Variants in SGCD observed in about 807,000 individuals in gnomAD.
The protein encoded by SGCD is sarcoglycan delta.
SGCD carries 18 observed loss-of-function variants against 36.6 expected under a neutral mutation model. The ratio of observed to expected loss-of-function variants is 0.49; its 90% confidence interval spans 0.34 to 0.73. The LOEUF is 0.73. SGCD is among the 30% of genes least tolerant of loss of function. The pLI is 0.01. For missense variants in SGCD, 387 were observed against 346.7 expected (o/e 1.12, Z -0.92); for synonymous variants, 133 against 130.6 (o/e 1.02, Z -0.12).
At chr5:156,756,629 T>C (rs181604490) in intron 7 of SGCD, among the ~76,000 whole-genome samples, 182 of 152,356 alleles carry the variant, frequency 1.2e-3, no homozygotes, top group African/African-American at 4.1e-3. Context: ...GCAAAAAGCT[T>C]CCTCCTAAGG....
At chr5:156,411,827 T>C (rs898177327) in intron 3 of SGCD, among the ~76,000 whole-genome samples, 1 of 152,238 alleles carries the variant, frequency 6.6e-6, no homozygotes, top group East Asian at 1.9e-4. Flanking sequence ...GGGCCTGTTG[T>C]AAAATCATGT....
Position 156,344,548 on chromosome 5 carries a change from G to A in SGCD, c.63G>A (p.Gln21=). ...CCATGCCTGGCTCTGTGGGGCCACAGGTATACAAGGTGGGGATTTATGGCT... is the reference window on the plus strand; with the variant it reads ...CCATGCCTGGCTCTGTGGGGCCACAAGTATACAAGGTGGGGATTTATGGCT... ...RSTMPGSVGP[Q]VYKVGIYGWR... The change falls in exon 3 of 9, where the codon CAG becomes CAA. Residue 21 remains glutamine, a synonymous_variant. Coordinates refer to ENST00000337851, the MANE Select transcript of SGCD (RefSeq NM_000337.6). 1 of 1,611,892 alleles carries A rather than the reference G, an allele frequency of 6.2e-7. No individual in the cohort carries two copies. Among genetic ancestry groups the A allele is most frequent in the South Asian group, 1.1e-5 (1 of 90,608 alleles).
intron 7 of SGCD, among the ~76,000 whole-genome samples, chr5:156,677,258 A>G (rs1459578372): frequency 6.6e-6 from 1 of 152,216 alleles, no homozygotes; most frequent in Non-Finnish European, 1.5e-5. Flanking sequence ...AAGACTTAGA[A>G]CCAACCCAAA....
chr5:156,614,782 G>A (rs1432702352), intron 6 of SGCD, among the ~76,000 whole-genome samples: 2 of 152,042 alleles, frequency 1.3e-5, no homozygotes, highest in African/African-American at 2.4e-5. Context: ...TTCCTCATGG[G>A]GGGTCTTTGC....
intron 3 of SGCD, among the ~76,000 whole-genome samples, chr5:156,174,050 T>C (rs1215076109): frequency 6.6e-6 from 1 of 152,206 alleles, no homozygotes; most frequent in African/African-American, 2.4e-5. Flanking sequence ...CAGATCTATA[T>C]TCTGGGCAGT....
chr5:155,778,545 T>C, the SGCD span, among the ~76,000 whole-genome samples: 26 of 152,272 alleles, frequency 1.7e-4, no homozygotes, highest in Non-Finnish European at 3.5e-4. Flanking sequence ...ATAAACGTAT[T>C]GTTAACACGG....
intron 3 of SGCD, among the ~76,000 whole-genome samples, chr5:156,377,281 A>G (rs1173831743): frequency 6.6e-6 from 1 of 152,166 alleles, no homozygotes; most frequent in African/African-American, 2.4e-5. Context: ...AATGATGCTT[A>G]ATATTGGTTG....
At chr5:156,749,990 T>TTAATATTCTGAAATATTTCTGAAA (rs1285830468) in intron 7 of SGCD, among the ~76,000 whole-genome samples, 1 of 152,050 alleles carries the variant, frequency 6.6e-6, no homozygotes, top group African/African-American at 2.4e-5. Context: ...TTTTCAGAAA[T>TTAATATTCTGAAATATTTCTGAAA]ATATAGAAAA....
At chr5:156,136,523 G>A (rs2127608461) in intron 3 of SGCD, among the ~76,000 whole-genome samples, 1 of 152,288 alleles carries the variant, frequency 6.6e-6, no homozygotes, top group South Asian at 2.1e-4. Context: ...CCACTTAAGT[G>A]CATCCATGGA....
chr5:156,438,283 T>C (rs1006673493), intron 3 of SGCD, among the ~76,000 whole-genome samples: 7 of 152,138 alleles, frequency 4.6e-5, no homozygotes, highest in African/African-American at 1.7e-4. Context: ...TTTGACCATA[T>C]GCTCCTGCTC....
chr5:156,336,884 A>G (rs1213764466), intron 2 of SGCD, among the ~76,000 whole-genome samples: 4 of 152,240 alleles, frequency 2.6e-5, no homozygotes, highest in Non-Finnish European at 5.9e-5. Context: ...AAGAATTGGA[A>G]TATATAACTA....
chr5:156,039,499 G>T (rs1167815819), intron 1 of SGCD, among the ~76,000 whole-genome samples: 3 of 152,026 alleles, frequency 2.0e-5, no homozygotes, highest in Non-Finnish European at 2.9e-5. Context: ...CAAATTTATG[G>T]CTGGATTGCT....
chr5:156,076,116 A>C (rs965504723), intron 1 of SGCD, among the ~76,000 whole-genome samples: 3 of 152,032 alleles, frequency 2.0e-5, no homozygotes, highest in African/African-American at 7.2e-5. Flanking sequence ...CGGTCGCCAT[A>C]CTGAAATAGG....
chr5:155,848,364 G>C, the SGCD span, among the ~76,000 whole-genome samples: 1 of 152,214 alleles, frequency 6.6e-6, no homozygotes, highest in Middle Eastern at 3.4e-3. Flanking sequence ...TGAGTTTTGT[G>C]ATGGCTGCAT....
At chr5:156,083,766 A>G (rs1045397103) in intron 1 of SGCD, among the ~76,000 whole-genome samples, 5 of 151,684 alleles carry the variant, frequency 3.3e-5, no homozygotes, top group African/African-American at 1.2e-4. Context: ...TGTGAGCTTT[A>G]GATCAGGTTT....
chr5:156,464,949 C>A (rs1371838033), intron 3 of SGCD, among the ~76,000 whole-genome samples: 7 of 152,096 alleles, frequency 4.6e-5, no homozygotes, highest in Non-Finnish European at 1.0e-4. Context: ...ATAGTTGAAC[C>A]AAAATGCTAC....
the SGCD span, among the ~76,000 whole-genome samples, chr5:155,827,683 T>C: frequency 7.3e-6 from 1 of 137,504 alleles, no homozygotes; most frequent in Non-Finnish European, 1.6e-5. Flanking sequence ...TTTTTTTTTT[T>C]TTTTTTTTTT....
intron 7 of SGCD, among the ~76,000 whole-genome samples, chr5:156,653,493 C>CTTTTTGTTTTTTTTTTTTTTTTTT (rs1763545895): frequency 2.1e-5 from 1 of 48,082 alleles, no homozygotes; most frequent in Non-Finnish European, 4.0e-5. Flanking sequence ...CTAAAGCTTG[C>CTTTTTGTTTTTTTTTTTTTTTTTT]TTTTTTTTTT....
intron 3 of SGCD, among the ~76,000 whole-genome samples, chr5:156,399,108 A>G (rs890656578): frequency 1.3e-5 from 2 of 152,336 alleles, no homozygotes; most frequent in African/African-American, 4.8e-5. Context: ...TAATATTACT[A>G]TTAATACAGA....
Sources: gnomAD v4.1 joint callset for allele counts (sites outside exome capture counted in the v4.1 genomes callset) on GRCh38, gnomAD v4.1.1 for gene constraint, MANE v1.5 for transcripts, NCBI Gene and HGNC (gene_info 2026-07-23, HGNC 2026-07-21) for gene names.